Variants in DST observed in about 807,000 individuals in gnomAD.
DST encodes the protein bullous pemphigoid antigen.
DST carries 253 observed loss-of-function variants against 875.2 expected under a neutral mutation model. That is an observed-to-expected ratio of 0.29 (90% CI 0.26 to 0.32). DST has a LOEUF of 0.32. Ranked by LOEUF, DST falls within the 10% of genes least tolerant of loss-of-function variation. The probability of loss-of-function intolerance (pLI) is 1.00; values close to 1 mark genes in which losing one functional copy is unlikely to be tolerated. For missense variants in DST, 8,287 were observed against 9,111.6 expected (o/e 0.91, Z 3.68); for synonymous variants, 3,124 against 3,197.1 (o/e 0.98, Z 0.77).
At chr6:56,712,825 C>G (rs927983423) in intron 5 of DST, among the ~76,000 whole-genome samples, 1 of 152,052 alleles carries the variant, frequency 6.6e-6, no homozygotes, top group African/African-American at 2.4e-5. Context: ...ATATCATGAT[C>G]AAAATTCACA....
At chr6:56,937,384 T>C (rs995528914) in intron 2 of DST, among the ~76,000 whole-genome samples, 3 of 152,300 alleles carry the variant, frequency 2.0e-5, no homozygotes, top group Non-Finnish European at 1.5e-5. Context: ...AGAGAAGATA[T>C]ATGAATAGCT....
At chr6:56,696,832 C>T (rs997231667) in intron 9 of DST, among the ~76,000 whole-genome samples, 4 of 152,164 alleles carry the variant, frequency 2.6e-5, no homozygotes, top group Non-Finnish European at 4.4e-5. Context: ...TCTCCAAATG[C>T]TCCTTTTTTC....
Position 56,529,072 on chromosome 6 carries a change from T to G in DST, c.17596-147A>C, listed in dbSNP as rs1201027678. ...TTTTCAAATGTTCTTATTGTTCCCATGTTTAGACCTCTTCTTTTCACCTCT... is the reference window on the plus strand; with the variant it reads ...TTTTCAAATGTTCTTATTGTTCCCAGGTTTAGACCTCTTCTTTTCACCTCT... On this transcript the variant is annotated intron_variant, in intron 66 of 103. Transcript: ENST00000680361. 6 of 659,582 alleles carry G rather than the reference T, an allele frequency of 9.1e-6. No individual in the cohort carries two copies. The African/African-American group carries it at 1.1e-4, about 12-fold the overall frequency. The allele number at this position is 659,582 out of a possible 1,614,324, so 40.9% of individuals were successfully genotyped here.
At position 56,603,228 on chromosome 6, in the gene DST, T is replaced by C. The variant is rs750006406; in HGVS notation, c.11134A>G (p.Met3712Val). 3.1e-6 allele frequency: 5 copies of C among 1,604,248 alleles called. No individual in the cohort carries two copies. Among genetic ancestry groups the C allele is most frequent in the South Asian group, 2.2e-5 (2 of 89,950 alleles). ...ACCATTTCAGAGTCGATCGCAAGCA[T>C]GATCTGTTTCGTTCTTTCTGAAGAC... is the stretch of plus-strand genomic sequence containing the variant. ...NVSSERTKQI[M>V]LAIDSEMSKL... is the part of the protein sequence containing the mutation. Residue 3712 changes from methionine (M) to valine (V), a missense_variant, in exon 42 of 104, where the codon ATG becomes GTG. Met to Val is a conservative substitution (Grantham distance 21). Around this residue, in one of 10 missense-constraint regions of DST, gnomAD observed 3,138 missense variants for 3,116.6 expected, o/e 1.01. Transcript: ENST00000680361.
intron 4 of DST, among the ~76,000 whole-genome samples, chr6:56,764,767 G>T (rs1320625983): frequency 6.6e-6 from 1 of 152,106 alleles, no homozygotes; most frequent in Non-Finnish European, 1.5e-5. Flanking sequence ...AGACCAGGCT[G>T]GCCAACATGG....
chr6:56,731,870 T>C (rs538598068), intron 5 of DST, among the ~76,000 whole-genome samples: 1 of 152,334 alleles, frequency 6.6e-6, no homozygotes, highest in South Asian at 2.1e-4. Context: ...AAGAATTTAA[T>C]AATCATGAAA....
Position 56,603,550 on chromosome 6 carries a change from T to TCCATAA in DST, c.10941+13_10941+14insTTATGG. The TCCATAA allele has an allele frequency of 6.2e-7, 1 of 1,601,334 alleles. No individual in the cohort carries two copies. Among genetic ancestry groups the TCCATAA allele is most frequent in the South Asian group, 1.1e-5 (1 of 89,058 alleles). On this transcript the variant is annotated intron_variant, in intron 41 of 103. Transcript: ENST00000680361. ...CTGACTACCATCCATAAAGAGGCAG[T>TCCATAA]AGACAATTCTTACCTCCAACTGTCT...
At chr6:56,679,581 A>G (rs978083190) in intron 9 of DST, among the ~76,000 whole-genome samples, 21 of 148,286 alleles carry the variant, frequency 1.4e-4, no homozygotes, top group Non-Finnish European at 2.7e-4. Flanking sequence ...TGGGCAACAT[A>G]GGAAGACTAT....
chr6:56,571,113 A>G (rs578157067), intron 53 of DST, among the ~76,000 whole-genome samples: 1 of 152,318 alleles, frequency 6.6e-6, no homozygotes, highest in African/African-American at 2.4e-5. Flanking sequence ...GTCGTTCTGT[A>G]TGCTCTGCAC....
intron 9 of DST, 61 bp from the exon 10 acceptor site, chr6:56,670,868 C>A (rs763691303): frequency 2.5e-6 from 3 of 1,183,130 alleles, no homozygotes; most frequent in Non-Finnish European, 2.3e-6. Flanking sequence ...AGATTAAGAA[C>A]CTACTATGTG....
At chr6:56,501,495 T>G in intron 79 of DST, 25 bp downstream of exon 79, 2 of 1,448,146 alleles carry the variant, frequency 1.4e-6, no homozygotes, top group African/African-American at 1.5e-5. Context: ...ATTTATAATT[T>G]CTTAAGAAAA....
chr6:56,504,136 A>C lies in DST; in HGVS notation c.19465-38T>G, dbSNP rs1431281128. On this transcript the variant is annotated intron_variant, in intron 77 of 103. Transcript: ENST00000680361. ...TTCGCCCACGTGTTGTTACAACAGT[A>C]CATTTGAAATTGCTACAGTATTTCA... is the stretch of plus-strand genomic sequence containing the variant. The C allele has an allele frequency of 3.6e-6, 5 of 1,399,034 alleles. No individual in the cohort carries two copies. In the Admixed American group the frequency reaches 5.6e-5, roughly 16 times the overall value. 86.7% of individuals were successfully genotyped at this position (1,399,034 alleles called of 1,614,324 possible).
At chr6:56,679,638 C>T (rs1309265558) in intron 9 of DST, among the ~76,000 whole-genome samples, 1 of 150,784 alleles carries the variant, frequency 6.6e-6, no homozygotes, top group African/African-American at 2.4e-5. Flanking sequence ...GGGTACAGTG[C>T]CACGTGCCTG....
chr6:56,695,697 G>A (rs1181301318), intron 9 of DST, among the ~76,000 whole-genome samples: 1 of 152,066 alleles, frequency 6.6e-6, no homozygotes, highest in Non-Finnish European at 1.5e-5. Flanking sequence ...CATTACCTTA[G>A]TATCTCTGGA....
intron 2 of DST, among the ~76,000 whole-genome samples, chr6:56,902,258 C>T (rs1446826089): frequency 2.6e-5 from 4 of 152,158 alleles, no homozygotes; most frequent in African/African-American, 9.7e-5. Flanking sequence ...CCAAGAAGGG[C>T]TTCTTTCAGT....
At chr6:56,554,073 CTTTTTTTTT>C (rs555704557) in intron 60 of DST, among the ~76,000 whole-genome samples, 104 of 80,810 alleles carry the variant, frequency 1.3e-3, no homozygotes, top group African/African-American at 4.5e-3. Context: ...GCGTCTATGA[CTTTTTTTTT>C]TTTTTTTTTT....
At chr6:56,907,718 T>A (rs1360274229) in intron 2 of DST, among the ~76,000 whole-genome samples, 1 of 152,076 alleles carries the variant, frequency 6.6e-6, no homozygotes, top group African/African-American at 2.4e-5. Context: ...CAAGAAAAGA[T>A]CTATTAACAA....
chr6:56,546,565 T>G (rs2097232160), intron 61 of DST, among the ~76,000 whole-genome samples: 4 of 151,232 alleles, frequency 2.6e-5, no homozygotes, highest in Admixed American at 6.6e-5. Flanking sequence ...CAACTGGAGA[T>G]ATGTGAGAAT....
At chr6:56,680,242 G>A (rs953140909) in intron 9 of DST, among the ~76,000 whole-genome samples, 3 of 152,074 alleles carry the variant, frequency 2.0e-5, no homozygotes, top group African/African-American at 7.2e-5. Flanking sequence ...ACTAAGTAAA[G>A]GTGACCAGAC....
Sources: gnomAD v4.1 joint callset for allele counts (sites outside exome capture counted in the v4.1 genomes callset) on GRCh38, gnomAD v4.1.1 for gene constraint, gnomAD v4.1.1 regional missense constraint, MANE v1.5 for transcripts, NCBI Gene and HGNC (gene_info 2026-07-23, HGNC 2026-07-21) for gene names.